Variants in SNW1 observed in about 807,000 individuals in gnomAD.
SNW1 encodes the protein SNW domain-containing protein 1.
SNW1 carries 9 observed loss-of-function variants against 75.6 expected under a neutral mutation model. The ratio of observed to expected loss-of-function variants is 0.12; its 90% CI spans 0.07 to 0.21. The LOEUF is 0.21. Among genes scored for constraint, SNW1 ranks in the 10% least tolerant of loss-of-function variants. SNW1 has a pLI of 1.00. For missense variants in SNW1, 409 were observed against 670.9 expected (o/e 0.61, Z 4.31); for synonymous variants, 200 against 219.1 (o/e 0.91, Z 0.77).
intron 5 of SNW1, among the ~76,000 whole-genome samples, chr14:77,737,943 GA>G (rs2080685688): frequency 1.6e-5 from 2 of 124,338 alleles, no homozygotes; most frequent in Admixed American, 1.0e-4. Flanking sequence ...AGTGAGCCAA[GA>G]TTGTGCCACT....
In SNW1 at chr14:77,751,429, G is replaced by A; in HGVS notation, c.220C>T (p.Leu74=). The change falls in exon 3 of 14, where the codon CTG becomes TTG. Residue 74 remains leucine, a synonymous_variant. Transcript: ENST00000261531. ...ATTTTTTTCTTTCGTCCCATATCCA[G>A]TGGATACTGGGCCACATGGATCTCT... ...FPEIHVAQYP[L]DMGRKKKMSN... is the part of the protein sequence containing the mutation. 1 of 1,613,420 alleles carries A rather than the reference G, an allele frequency of 6.2e-7. No individual in the cohort carries two copies. The highest frequency in any genetic ancestry group is 1.1e-5 in the South Asian group (1 of 90,938).
intron 7 of SNW1, 130 bp downstream of exon 7, chr14:77,735,807 C>CA (rs2080666516): frequency 3.2e-6 from 2 of 623,676 alleles, no homozygotes; most frequent in Admixed American, 3.1e-5. Flanking sequence ...CTTGAAACTT[C>CA]ATCTTGAAAA....
intron 3 of SNW1, among the ~76,000 whole-genome samples, chr14:77,747,781 C>T (rs1257649812): frequency 1.3e-5 from 2 of 150,718 alleles, no homozygotes; most frequent in Non-Finnish European, 3.0e-5. Context: ...GCCAGCCGCC[C>T]TGTCCGGGAG....
intron 12 of SNW1, among the ~76,000 whole-genome samples, chr14:77,719,846 T>A (rs2080524682): frequency 6.6e-6 from 1 of 151,424 alleles, no homozygotes; most frequent in Non-Finnish European, 1.5e-5. Flanking sequence ...TCTAATAAAT[T>A]ATCACTTAGA....
chr14:77,721,138 A>G (rs2080537148), intron 11 of SNW1: 1 of 238,558 alleles, frequency 4.2e-6, no homozygotes, highest in South Asian at 7.2e-5. Context: ...GCTATGGTCT[A>G]TATTTACTAT....
chr14:77,719,164 G>A (rs545730822), intron 12 of SNW1, among the ~76,000 whole-genome samples: 1 of 152,160 alleles, frequency 6.6e-6, no homozygotes, highest in Non-Finnish European at 1.5e-5. Context: ...GTCTCACAAA[G>A]TGTTAGGATT....
intron 3 of SNW1, among the ~76,000 whole-genome samples, chr14:77,744,758 T>C (rs2080747483): frequency 6.6e-6 from 1 of 152,168 alleles, no homozygotes; most frequent in Non-Finnish European, 1.5e-5. Flanking sequence ...CCTTAGATGT[T>C]GTTTTTTCCT....
intron 3 of SNW1, among the ~76,000 whole-genome samples, chr14:77,745,024 G>C (rs937470756): frequency 6.6e-6 from 1 of 152,134 alleles, no homozygotes; most frequent in African/African-American, 2.4e-5. Context: ...AACACTGGTG[G>C]ACGCCTTATG....
intron 3 of SNW1, among the ~76,000 whole-genome samples, chr14:77,749,322 G>A (rs568359515): frequency 6.6e-6 from 1 of 152,198 alleles, no homozygotes; most frequent in Non-Finnish European, 1.5e-5. Flanking sequence ...AACTGGTTTA[G>A]GTGAGGTCAT....
chr14:77,742,031 C>A (rs1221406292), intron 3 of SNW1, among the ~76,000 whole-genome samples: 3 of 151,212 alleles, frequency 2.0e-5, no homozygotes, highest in African/African-American at 7.3e-5. Flanking sequence ...TTATAAAACC[C>A]CCCATTTTTT....
At chr14:77,738,669 A>T in intron 5 of SNW1, 109 bp downstream of exon 5, 1 of 750,566 alleles carries the variant, frequency 1.3e-6, no homozygotes, top group Non-Finnish European at 2.2e-6. Flanking sequence ...TCATTATTGA[A>T]AACAATGCAT....
chr14:77,731,258 A>T, intron 9 of SNW1, 129 bp from the exon 10 acceptor site: 1 of 1,005,084 alleles, frequency 9.9e-7, no homozygotes, highest in Non-Finnish European at 1.4e-6. Flanking sequence ...TGCTAATTAA[A>T]ACAAAGAGTC....
intron 10 of SNW1, among the ~76,000 whole-genome samples, chr14:77,724,390 G>C (rs1163236393): frequency 6.6e-6 from 1 of 152,004 alleles, no homozygotes; most frequent in African/African-American, 2.4e-5. Context: ...TTCTCTTCTA[G>C]CTATTTTGCA....
At chr14:77,723,156 G>C (rs746139576) in intron 11 of SNW1, 25 bp downstream of exon 11, 6 of 1,577,810 alleles carry the variant, frequency 3.8e-6, no homozygotes, top group Non-Finnish European at 5.2e-6. Context: ...CACCATGATT[G>C]GTACACATCT....
At chr14:77,732,031 C>A (rs1487975378) in intron 9 of SNW1, among the ~76,000 whole-genome samples, 2 of 152,144 alleles carry the variant, frequency 1.3e-5, no homozygotes, top group Admixed American at 1.3e-4. Flanking sequence ...CCATTGTGCC[C>A]AGCCTAATTC....
intron 1 of SNW1, among the ~76,000 whole-genome samples, chr14:77,760,048 T>C (rs1227627830): frequency 2.0e-5 from 3 of 152,208 alleles, no homozygotes; most frequent in Non-Finnish European, 4.4e-5. Context: ...CAATTCTTTT[T>C]GCACTAAGGT....
At chr14:77,740,629 A>T (rs1453061563) in intron 3 of SNW1, among the ~76,000 whole-genome samples, 3 of 152,106 alleles carry the variant, frequency 2.0e-5, no homozygotes, top group African/African-American at 7.2e-5. Flanking sequence ...GTAAGCTCTC[A>T]ATCTGTGTGT....
Position 77,746,910 on chromosome 14 carries a change from C to A in SNW1, c.330+4409G>T, listed in dbSNP as rs1301302096. On this transcript the variant is annotated intron_variant, in intron 3 of 13. Coordinates refer to ENST00000261531, the MANE Select transcript of SNW1 (RefSeq NM_012245.3). ...TTATAGCTCCCCCTCCCCCTCCCCCCTTCTGTGCACGGTCTCCCTCTCCCT... is the reference window on the plus strand; with the variant it reads ...TTATAGCTCCCCCTCCCCCTCCCCCATTCTGTGCACGGTCTCCCTCTCCCT... Among the ~76,000 whole-genome samples, 5 of 151,674 alleles carry A rather than the reference C, an allele frequency of 3.3e-5. No homozygotes were observed. In the East Asian group the frequency reaches 7.8e-4, roughly 24 times the overall value.
intron 3 of SNW1, among the ~76,000 whole-genome samples, chr14:77,745,329 TG>T (rs1287081291): frequency 1.3e-5 from 2 of 152,116 alleles, no homozygotes; most frequent in Non-Finnish European, 2.9e-5. Context: ...AGAATATCCA[TG>T]GGAAGTCTCA....
Sources: gnomAD v4.1 joint callset for allele counts (sites outside exome capture counted in the v4.1 genomes callset) on GRCh38, gnomAD v4.1.1 for gene constraint, MANE v1.5 for transcripts, NCBI Gene and HGNC (gene_info 2026-07-23, HGNC 2026-07-21) for gene names.